The following GPR39 variants were observed in gnomAD, a reference collection of about 807,000 sequenced individuals.
GPR39 encodes G protein-coupled receptor 39, also known as zinc sensing receptor.
GPR39 carries 23 observed loss-of-function variants against 18.4 expected under a neutral mutation model. That is an observed-to-expected ratio of 1.25 (90% CI 0.90 to 1.77). GPR39 has a LOEUF of 1.77. Among genes scored for constraint, GPR39 ranks in the 40% most tolerant of loss-of-function variants. The probability of loss-of-function intolerance (pLI) is 0.00; values close to 1 mark genes in which losing one functional copy is unlikely to be tolerated. For missense variants in GPR39, 647 were observed against 602.4 expected (o/e 1.07, Z -0.78); for synonymous variants, 280 against 257.9 (o/e 1.09, Z -0.82).
chr2:132,583,410 G>A (rs1179881925), intron 1 of GPR39, among the ~76,000 whole-genome samples: 2 of 143,386 alleles, frequency 1.4e-5, no homozygotes, highest in East Asian at 4.0e-4. Context: ...CCAAAGCTGG[G>A]CACATTTAAT....
intron 1 of GPR39, among the ~76,000 whole-genome samples, chr2:132,459,681 G>A (rs912578961): frequency 6.6e-6 from 1 of 152,166 alleles, no homozygotes; most frequent in African/African-American, 2.4e-5. Flanking sequence ...CCCTTCTAGG[G>A]AATTCTTATT....
At chr2:132,564,803 C>CTTTTTTTTTTTTTT (rs1680316668) in intron 1 of GPR39, among the ~76,000 whole-genome samples, 1 of 91,722 alleles carries the variant, frequency 1.1e-5, no homozygotes, top group African/African-American at 3.8e-5. Flanking sequence ...CTATTTTTTT[C>CTTTTTTTTTTTTTT]TTTTTTCTTT....
At chr2:132,467,423 G>C (rs1052026163) in intron 1 of GPR39, among the ~76,000 whole-genome samples, 5 of 152,210 alleles carry the variant, frequency 3.3e-5, no homozygotes, top group African/African-American at 1.2e-4. Context: ...GGGAGGGTCA[G>C]AGCAGGGAAA....
intron 1 of GPR39, among the ~76,000 whole-genome samples, chr2:132,591,033 T>C (rs1010449876): frequency 1.3e-4 from 19 of 149,836 alleles, no homozygotes; most frequent in Admixed American, 4.0e-4. Flanking sequence ...GGGTGGATCA[T>C]GAGGTCAGGA....
At chr2:132,564,810 C>CTTTTTCT (rs1680317233) in intron 1 of GPR39, among the ~76,000 whole-genome samples, 1 of 95,440 alleles carries the variant, frequency 1.0e-5, no homozygotes, top group Non-Finnish European at 1.9e-5. Flanking sequence ...TTTCTTTTTT[C>CTTTTTCT]TTTTTTTTTT....
intron 1 of GPR39, among the ~76,000 whole-genome samples, chr2:132,621,837 C>T (rs1681447957): frequency 1.3e-5 from 2 of 152,214 alleles, no homozygotes; most frequent in Admixed American, 1.3e-4. Flanking sequence ...CAATGCAATA[C>T]ATTGCAGCCT....
At chr2:132,500,701 T>C (rs990063067) in intron 1 of GPR39, among the ~76,000 whole-genome samples, 5 of 152,202 alleles carry the variant, frequency 3.3e-5, no homozygotes, top group Non-Finnish European at 5.9e-5. Context: ...TGTGATTCTA[T>C]CTAGTCCTGG....
rs114027373 is a variant in GPR39 at position 132,482,976 on chromosome 2, C to T, written c.856+65078C>T. 8.5e-3 allele frequency among the ~76,000 whole-genome samples: 1,301 copies of T among 152,228 alleles called. 24 individuals carry two copies. The highest frequency in any genetic ancestry group is 0.029 in the African/African-American group (1,221 of 41,536). On this transcript the variant is annotated intron_variant, in intron 1 of 1. Coordinates refer to ENST00000329321, the MANE Select transcript of GPR39 (RefSeq NM_001508.3). ...CACAATAATATCCCTGCACTGTGCA[C>T]GGCAATATAGTGTAGCAATGGAGTG...
At chr2:132,618,483 G>A (rs1163330372) in intron 1 of GPR39, among the ~76,000 whole-genome samples, 1 of 152,342 alleles carries the variant, frequency 6.6e-6, no homozygotes, top group Admixed American at 6.5e-5. Flanking sequence ...GATCACAAAT[G>A]TGACAATAGA....
At chr2:132,460,069 G>T (rs906856431) in intron 1 of GPR39, among the ~76,000 whole-genome samples, 3 of 152,134 alleles carry the variant, frequency 2.0e-5, no homozygotes, top group African/African-American at 7.2e-5. Context: ...TAAAATTTGG[G>T]ATTTTAGGGT....
chr2:132,424,316 G>T (rs1409561423), intron 1 of GPR39, among the ~76,000 whole-genome samples: 1 of 152,154 alleles, frequency 6.6e-6, no homozygotes, highest in Admixed American at 6.5e-5. Flanking sequence ...AGGATACAGT[G>T]GGGGTGACAT....
At chr2:132,552,373 A>G (rs1680058943) in intron 1 of GPR39, among the ~76,000 whole-genome samples, 1 of 151,406 alleles carries the variant, frequency 6.6e-6, no homozygotes, top group African/African-American at 2.4e-5. Context: ...CACCACCCCA[A>G]CTCTCTTGCT....
At chr2:132,532,137 A>T (rs1479915361) in intron 1 of GPR39, among the ~76,000 whole-genome samples, 2 of 152,202 alleles carry the variant, frequency 1.3e-5, no homozygotes, top group Non-Finnish European at 2.9e-5. Flanking sequence ...AATCAAATAG[A>T]CACAATAAAA....
chr2:132,434,894 C>T (rs1344018519), intron 1 of GPR39, among the ~76,000 whole-genome samples: 1 of 152,134 alleles, frequency 6.6e-6, no homozygotes, highest in African/African-American at 2.4e-5. Flanking sequence ...AGAGCTAAGA[C>T]ACCACACCAG....
chr2:132,473,643 A>G (rs763393618), intron 1 of GPR39, among the ~76,000 whole-genome samples: 3 of 152,194 alleles, frequency 2.0e-5, no homozygotes, highest in Non-Finnish European at 4.4e-5. Flanking sequence ...ATGTTATTTT[A>G]TCTAACTTAT....
At chr2:132,430,850 A>G (rs1680213073) in intron 1 of GPR39, among the ~76,000 whole-genome samples, 1 of 152,194 alleles carries the variant, frequency 6.6e-6, no homozygotes. Flanking sequence ...AAGCTTAGTG[A>G]TGTGCTCTGA....
intron 1 of GPR39, among the ~76,000 whole-genome samples, chr2:132,487,601 C>T (rs1309437250): frequency 2.0e-5 from 3 of 151,856 alleles, no homozygotes; most frequent in Admixed American, 6.6e-5. Context: ...TGACAAAGAA[C>T]CAAGTTAAAA....
chr2:132,550,374 C>T (rs1680021844), intron 1 of GPR39, among the ~76,000 whole-genome samples: 1 of 152,196 alleles, frequency 6.6e-6, no homozygotes, highest in African/African-American at 2.4e-5. Context: ...CAAGGAACAG[C>T]GCGATACAAC....
At chr2:132,572,175 G>T (rs974272377) in intron 1 of GPR39, among the ~76,000 whole-genome samples, 1 of 152,168 alleles carries the variant, frequency 6.6e-6, no homozygotes, top group African/African-American at 2.4e-5. Flanking sequence ...TCTGCTTTCC[G>T]TAGGGGCAGG....
Sources: gnomAD v4.1 joint callset for allele counts (sites outside exome capture counted in the v4.1 genomes callset) on GRCh38, gnomAD v4.1.1 for gene constraint, MANE v1.5 for transcripts, NCBI Gene and HGNC (gene_info 2026-07-23, HGNC 2026-07-21) for gene names.